The following LAMA4 variants were observed in gnomAD, a reference collection of about 807,000 sequenced individuals.
LAMA4 encodes the protein laminin subunit alpha 4, also known as laminin subunit alpha-4.
In LAMA4, 127 loss-of-function variants were observed where a neutral mutation model predicts 207.1. The observed-to-expected ratio is 0.61, with a 90% CI of 0.53 to 0.71. LAMA4 has a LOEUF of 0.71. LAMA4 is among the 30% of genes least tolerant of loss of function. The pLI, the probability that LAMA4 is intolerant of heterozygous loss-of-function variation, is 0.00. For synonymous variants in LAMA4, 761 were observed against 816.0 expected, an observed-to-expected ratio of 0.93 and a Z score of 1.15; for missense variants, 2,093 against 2,246.5, an observed-to-expected ratio of 0.93 and a Z score of 1.38.
intron 3 of LAMA4, 75 bp downstream of exon 3, chr6:112,216,293 G>A (rs1228174017): frequency 1.0e-5 from 11 of 1,048,844 alleles, no homozygotes; most frequent in South Asian, 3.8e-5. Context: ...TCAAACATCC[G>A]AAAAATATTT....
intron 6 of LAMA4, among the ~76,000 whole-genome samples, chr6:112,190,361 G>A (rs192890096): frequency 1.5e-4 from 23 of 152,150 alleles, no homozygotes; most frequent in African/African-American, 5.1e-4. Context: ...TTGCTTTTTT[G>A]TAGACATGTT....
At chr6:112,210,136 G>A (rs146993386) in intron 3 of LAMA4, among the ~76,000 whole-genome samples, 174 of 151,646 alleles carry the variant, frequency 1.1e-3, no homozygotes, top group African/African-American at 3.9e-3. Flanking sequence ...GCAGAAGCCT[G>A]TACAGCCCAC....
chr6:112,217,884 C>T (rs944055423), intron 2 of LAMA4: 1 of 152,098 alleles, frequency 6.6e-6, no homozygotes, highest in Non-Finnish European at 1.5e-5. Flanking sequence ...TAATTTAGAC[C>T]ATTTAATTTC....
rs546468917 is a variant in LAMA4, at chr6:112,224,514, C to T, written c.196-8045G>A. ...AATTGCCCTCACAAAGATGGAATTC[C>T]AGTACTTAACATTGTTGATGGCTGG... On this transcript the variant is annotated intron_variant, in intron 2 of 38. Coordinates refer to ENST00000230538, the MANE Select transcript of LAMA4 (RefSeq NM_001105206.3). Among the ~76,000 whole-genome samples the T allele has an allele frequency of 2.6e-4, 40 of 152,250 alleles. No homozygotes were observed. In the South Asian group the frequency reaches 3.3e-3, roughly 13 times the overall value.
intron 2 of LAMA4, among the ~76,000 whole-genome samples, chr6:112,227,353 AC>A (rs1195486058): frequency 6.6e-6 from 1 of 151,996 alleles, no homozygotes. Context: ...ACAGGGGTGA[AC>A]CACCGTGCCC....
chr6:112,175,561 G>T, intron 10 of LAMA4, 81 bp from the exon 11 acceptor site: 1 of 1,373,644 alleles, frequency 7.3e-7, no homozygotes, highest in Non-Finnish European at 1.0e-6. Flanking sequence ...AGGGCTGTGG[G>T]CAAAGGGCAG....
Position 112,108,882 on chromosome 6 carries a change from ATT to A in LAMA4, c.*553_*554del, listed in dbSNP as rs1562616388. The A allele has an allele frequency of 6.6e-6, 1 of 152,540 alleles. No individual in the cohort carries two copies. The highest frequency in any genetic ancestry group is 1.9e-4 in the East Asian group (1 of 5,200). 9.4% of individuals were successfully genotyped at this position (152,540 alleles called of 1,614,324 possible). ...GCATTTTTCTAGTATTCTGTTAGAA[ATT>A]TACTTTATTAAACCTTGATAACTTC... is the stretch of plus-strand genomic sequence containing the variant. On this transcript the variant is annotated 3_prime_UTR_variant, in exon 39 of 39. Coordinates refer to ENST00000230538, the MANE Select transcript of LAMA4 (RefSeq NM_001105206.3).
At chr6:112,140,276 TC>T (rs1554332783) in intron 22 of LAMA4, among the ~76,000 whole-genome samples, 1 of 152,188 alleles carries the variant, frequency 6.6e-6, no homozygotes, top group East Asian at 1.9e-4. Flanking sequence ...GAACCCTAGA[TC>T]AACTTCCCAT....
intron 5 of LAMA4, among the ~76,000 whole-genome samples, chr6:112,193,175 T>C (rs1783217610): frequency 1.3e-5 from 2 of 152,030 alleles, no homozygotes; most frequent in African/African-American, 4.8e-5. Context: ...TTAGTTCTGT[T>C]GCATGAGAGG....
At chr6:112,239,321 C>CAAAAA (rs1202967086) in intron 2 of LAMA4, among the ~76,000 whole-genome samples, 4 of 78,228 alleles carry the variant, frequency 5.1e-5, no homozygotes, top group Admixed American at 1.4e-4. Context: ...GACTCCATCT[C>CAAAAA]AAAAAAAAAA....
At chr6:112,206,218 C>T (rs782479219) in intron 4 of LAMA4, among the ~76,000 whole-genome samples, 1 of 152,136 alleles carries the variant, frequency 6.6e-6, no homozygotes, top group Non-Finnish European at 1.5e-5. Flanking sequence ...CCTGGGGACC[C>T]CATTTTTGGC....
At position 112,130,997 on chromosome 6, in the gene LAMA4, G is replaced by A. The variant is rs781823341; in HGVS notation, c.3939C>T (p.His1313=). ...TGGGTGAGACAGAGCTAATGACGAA[G>A]TGGGACAGCCCATCATTGTACTGCT... ...VDKQYNDGLS[H]FVISSVSPTR... The change falls in exon 29 of 39, where the codon CAC becomes CAT. Residue 1313 remains histidine (H), a synonymous_variant. Coordinates refer to ENST00000230538, the MANE Select transcript of LAMA4 (RefSeq NM_001105206.3). The A allele has an allele frequency of 4.3e-6, 7 of 1,613,186 alleles. No individual in the cohort carries two copies. In the Admixed American group the frequency reaches 8.3e-5, roughly 19 times the overall value.
At chr6:112,155,038 C>T in intron 15 of LAMA4, 91 bp from the exon 16 acceptor site, 1 of 872,684 alleles carries the variant, frequency 1.1e-6, no homozygotes. Context: ...AGTTTATCTG[C>T]TAAACACCAA....
At chr6:112,224,137 G>A (rs1325500398) in intron 2 of LAMA4, among the ~76,000 whole-genome samples, 2 of 152,168 alleles carry the variant, frequency 1.3e-5, no homozygotes, top group Non-Finnish European at 2.9e-5. Context: ...ACAGGGATGA[G>A]GGGAGGCAAA....
At chr6:112,136,404 G>A in intron 24 of LAMA4, 150 bp from the exon 25 acceptor site, 1 of 712,490 alleles carries the variant, frequency 1.4e-6, no homozygotes, top group East Asian at 3.0e-5. Context: ...AAATAAAAGT[G>A]ACAGTGTCTG....
Position 112,227,299 on chromosome 6 carries a change from G to T in LAMA4, c.196-10830C>A, listed in dbSNP as rs372796934. On this transcript the variant is annotated intron_variant, in intron 2 of 38. Transcript: ENST00000230538. The stretch of plus-strand genomic sequence containing the variant: ...TTGGCCAGGCTGGTCTTGAACTCCT[G>T]ACCTCGTGATCCACCCGCCTCGGCC... Among the ~76,000 whole-genome samples the T allele has an allele frequency of 3.2e-4, 49 of 152,008 alleles. 1 individual carries two copies. Among genetic ancestry groups the T allele is most frequent in the African/African-American group, 1.2e-3 (48 of 41,370 alleles).
intron 2 of LAMA4, among the ~76,000 whole-genome samples, chr6:112,233,615 G>A (rs1333885170): frequency 2.0e-5 from 3 of 152,134 alleles, no homozygotes; most frequent in African/African-American, 4.8e-5. Flanking sequence ...AGGGAAGAGC[G>A]GGAATCAAAA....
rs139101294 is a variant in LAMA4, at chr6:112,139,146, C to T, written c.3256G>A (p.Gly1086Ser). 2.2e-5 allele frequency: 35 copies of T among 1,613,976 alleles called. No homozygotes were observed. The highest frequency in any genetic ancestry group is 1.4e-4 in the South Asian group (13 of 91,090). Residue 1086 changes from glycine to serine, a missense_variant, in exon 24 of 39, where the codon GGC (glycine) becomes AGC (serine). By Grantham distance (56) the Gly-to-Ser change is moderately conservative (BLOSUM62 0). Coordinates refer to ENST00000230538, the MANE Select transcript of LAMA4 (RefSeq NM_001105206.3). Reference sequence around the variant, plus strand: ...CCATTGACCATCAGGAGAATAAGGCCGTTGTCAGCTGGTGTTCGAACTTCT... The same window carrying T: ...CCATTGACCATCAGGAGAATAAGGCTGTTGTCAGCTGGTGTTCGAACTTCT... ...DIEVRTPADN[G>S]LILLMVNGSM...
chr6:112,114,104 C>T lies in LAMA4; in HGVS notation c.5298G>A (p.Arg1766=), dbSNP rs782446664. Reference sequence around the variant, plus strand: ...GAACACCTCCAACAAACACAGGCTCCCTGTGATCAATTGGTTTTGGATTCA... The same window carrying T: ...GAACACCTCCAACAAACACAGGCTCTCTGTGATCAATTGGTTTTGGATTCA... ...GPLNPKPIDH[R]EPVFVGGVPE... is the part of the protein sequence containing the mutation. The change falls in exon 38 of 39, where the codon AGG becomes AGA. Residue 1766 remains arginine, a synonymous_variant. Transcript: ENST00000230538. 3.1e-6 allele frequency: 5 copies of T among 1,613,840 alleles called. No individual in the cohort carries two copies. In the South Asian group the frequency reaches 3.3e-5, roughly 11 times the overall value.
Sources: gnomAD v4.1 joint callset for allele counts (sites outside exome capture counted in the v4.1 genomes callset) on GRCh38, gnomAD v4.1.1 for gene constraint, MANE v1.5 for transcripts, NCBI Gene and HGNC (gene_info 2026-07-23, HGNC 2026-07-21) for gene names.